CHCHD6: variants seen among roughly 807,000 people sequenced by gnomAD.
CHCHD6 encodes coiled-coil-helix-coiled-coil-helix domain containing 6.
In CHCHD6, 28 loss-of-function variants were observed where a neutral mutation model predicts 32.3. That is an observed-to-expected ratio of 0.87 (90% confidence interval 0.64 to 1.19). The LOEUF (loss-of-function observed/expected upper bound fraction) is 1.19. CHCHD6 is among the 50% of genes most tolerant of loss of function. The probability of loss-of-function intolerance (pLI) is 0.00; values close to 1 mark genes in which losing one functional copy is unlikely to be tolerated. For missense variants in CHCHD6, 333 were observed against 307.0 expected (o/e 1.08, Z -0.63); for synonymous variants, 122 against 117.5 (o/e 1.04, Z -0.25).
chr3:126,865,696 C>T, intron 5 of CHCHD6: 1 of 985,390 alleles, frequency 1.0e-6, no homozygotes, highest in Non-Finnish European at 1.2e-6. Flanking sequence ...ATTACCACCA[C>T]ATATTACCCT....
chr3:126,814,623 A>G (rs1000030632), intron 4 of CHCHD6, among the ~76,000 whole-genome samples: 14 of 152,186 alleles, frequency 9.2e-5, no homozygotes, highest in Non-Finnish European at 1.9e-4. Context: ...GAACACTTAG[A>G]AGTTCCTGGA....
At chr3:126,881,774 A>G (rs1252898536) in intron 5 of CHCHD6, among the ~76,000 whole-genome samples, 1 of 152,234 alleles carries the variant, frequency 6.6e-6, no homozygotes, top group Non-Finnish European at 1.5e-5. Flanking sequence ...TTTGATTAAA[A>G]TTAAAACTAA....
At chr3:126,721,428 G>A (rs1329271317) in intron 1 of CHCHD6, among the ~76,000 whole-genome samples, 1 of 152,182 alleles carries the variant, frequency 6.6e-6, no homozygotes, top group Admixed American at 6.5e-5. Flanking sequence ...AGCTTCTCCT[G>A]TGTCTAAGTC....
chr3:126,761,286 A>G (rs1937153421), intron 4 of CHCHD6, among the ~76,000 whole-genome samples: 1 of 152,216 alleles, frequency 6.6e-6, no homozygotes, highest in Non-Finnish European at 1.5e-5. Flanking sequence ...TGAGAGGTCC[A>G]GCTTCTCCAC....
At position 126,821,274 on chromosome 3, in the gene CHCHD6, G is replaced by A. The variant is rs142363289; in HGVS notation, c.412-31373G>A. On this transcript the variant is annotated intron_variant, in intron 4 of 7. Coordinates refer to ENST00000290913, the MANE Select transcript of CHCHD6 (RefSeq NM_032343.3). ...TTAAGAACATTTAAAATGAGTTTTAGTTGGACATATATTTTTAATTCCCTT... is the reference window on the plus strand; with the variant it reads ...TTAAGAACATTTAAAATGAGTTTTAATTGGACATATATTTTTAATTCCCTT... Among the ~76,000 whole-genome samples, 21 of 152,304 alleles carry A rather than the reference G, an allele frequency of 1.4e-4. No individual in the cohort carries two copies. The East Asian group carries it at 3.7e-3, about 27-fold the overall frequency.
chr3:126,835,538 C>G (rs1940821112), intron 4 of CHCHD6, among the ~76,000 whole-genome samples: 2 of 152,196 alleles, frequency 1.3e-5, no homozygotes, highest in Non-Finnish European at 2.9e-5. Flanking sequence ...GCCGGCTCTG[C>G]TCAGTTCATG....
At chr3:126,857,926 CA>C in intron 5 of CHCHD6, among the ~76,000 whole-genome samples, 1 of 152,284 alleles carries the variant, frequency 6.6e-6, no homozygotes, top group African/African-American at 2.4e-5. Flanking sequence ...GGGTATGCCC[CA>C]GGACCTAGCA....
At chr3:126,958,780 G>A (rs992364651) in intron 7 of CHCHD6, among the ~76,000 whole-genome samples, 2 of 152,184 alleles carry the variant, frequency 1.3e-5, no homozygotes, top group Admixed American at 6.5e-5. Flanking sequence ...AGGATGGAAG[G>A]CTGCTCACTC....
intron 4 of CHCHD6, among the ~76,000 whole-genome samples, chr3:126,808,412 G>A (rs1260076695): frequency 1.3e-5 from 2 of 152,244 alleles, no homozygotes; most frequent in Non-Finnish European, 2.9e-5. Flanking sequence ...GGGGATCATC[G>A]GGGCTGTCTT....
At chr3:126,948,046 G>T (rs571403140) in intron 6 of CHCHD6, among the ~76,000 whole-genome samples, 9 of 152,342 alleles carry the variant, frequency 5.9e-5, no homozygotes, top group African/African-American at 2.2e-4. Context: ...CCACCATGCC[G>T]TGGAAAGTGC....
chr3:126,892,721 G>A (rs957529577), intron 5 of CHCHD6, among the ~76,000 whole-genome samples: 12 of 152,154 alleles, frequency 7.9e-5, no homozygotes, highest in African/African-American at 2.9e-4. Context: ...AGAAACTCCT[G>A]AGGAACTGGC....
At chr3:126,953,704 A>G (rs1228700675) in intron 6 of CHCHD6, among the ~76,000 whole-genome samples, 1 of 152,178 alleles carries the variant, frequency 6.6e-6, no homozygotes, top group Non-Finnish European at 1.5e-5. Context: ...GTGCAAACAG[A>G]CACCCCATAC....
chr3:126,802,839 A>G (rs2107691481), intron 4 of CHCHD6, among the ~76,000 whole-genome samples: 1 of 152,356 alleles, frequency 6.6e-6, no homozygotes. Flanking sequence ...CCACAAAGGG[A>G]AGCCCATCAG....
At chr3:126,811,203 A>C (rs1008167593) in intron 4 of CHCHD6, among the ~76,000 whole-genome samples, 28 of 152,196 alleles carry the variant, frequency 1.8e-4, no homozygotes, top group African/African-American at 6.8e-4. Flanking sequence ...CATTCCCATC[A>C]AGAGCTAACA....
chr3:126,949,778 A>G (rs760442779), intron 6 of CHCHD6: 1 of 173,090 alleles, frequency 5.8e-6, no homozygotes, highest in Non-Finnish European at 1.2e-5. Context: ...TTGGACATGA[A>G]GGGAAGGCTA....
intron 4 of CHCHD6, among the ~76,000 whole-genome samples, chr3:126,790,258 T>G (rs1042219103): frequency 6.6e-6 from 1 of 150,546 alleles, no homozygotes; most frequent in Non-Finnish European, 1.5e-5. Flanking sequence ...ACCTTAACAT[T>G]TTTTCATTCA....
intron 6 of CHCHD6, among the ~76,000 whole-genome samples, chr3:126,937,861 G>T (rs1013333800): frequency 6.6e-6 from 1 of 152,080 alleles, no homozygotes; most frequent in African/African-American, 2.4e-5. Flanking sequence ...AGCTCTTTTG[G>T]TTACTTCTGG....
chr3:126,726,545 A>C (rs1935543639), intron 1 of CHCHD6, among the ~76,000 whole-genome samples: 2 of 144,038 alleles, frequency 1.4e-5, no homozygotes, highest in Non-Finnish European at 3.0e-5. Context: ...ACAGACCTTC[A>C]ACTTGTAAAA....
At chr3:126,864,350 CT>C (rs1221568869) in intron 5 of CHCHD6, among the ~76,000 whole-genome samples, 1 of 150,164 alleles carries the variant, frequency 6.7e-6, no homozygotes, top group African/African-American at 2.5e-5. Context: ...CATTCTCCCC[CT>C]CCTCCTCCTT....
Sources: gnomAD v4.1 joint callset for allele counts (sites outside exome capture counted in the v4.1 genomes callset) on GRCh38, gnomAD v4.1.1 for gene constraint, MANE v1.5 for transcripts, NCBI Gene and HGNC (gene_info 2026-07-23, HGNC 2026-07-21) for gene names.